ZNF654: variants seen among roughly 807,000 people sequenced by gnomAD.
The protein encoded by ZNF654 is zinc finger protein 654.
In ZNF654, 19 loss-of-function variants were observed where a neutral mutation model predicts 95.3. The observed-to-expected ratio is 0.20, with a 90% confidence interval of 0.14 to 0.29. The LOEUF is 0.29. Ranked by LOEUF, ZNF654 falls within the 10% of genes least tolerant of loss-of-function variation. ZNF654 has a pLI of 1.00. For missense variants in ZNF654, 1,046 were observed against 1,341.0 expected (o/e 0.78, Z 3.44); for synonymous variants, 413 against 457.9 (o/e 0.90, Z 1.25).
intron 1 of ZNF654, among the ~76,000 whole-genome samples, chr3:88,067,905 A>G (rs548094359): frequency 6.0e-5 from 9 of 151,210 alleles, no homozygotes; most frequent in Admixed American, 4.6e-4. Context: ...TTTTTAGTAA[A>G]TTGGTGTGAA....
chr3:88,132,492 TTTG>T (rs1226151985), intron 6 of ZNF654, among the ~76,000 whole-genome samples: 1 of 152,200 alleles, frequency 6.6e-6, no homozygotes, highest in African/African-American at 2.4e-5. Flanking sequence ...TCAGGATTTT[TTTG>T]TTGTTGGTTT....
At position 88,089,984 on chromosome 3, in the gene ZNF654, C is replaced by T. The variant is rs76330474; in HGVS notation, c.332+3582C>T. Among the ~76,000 whole-genome samples, 523 of 152,272 alleles carry T rather than the reference C, an allele frequency of 3.4e-3. 4 individuals carry two copies. Among genetic ancestry groups the T allele is most frequent in the African/African-American group, 0.012 (511 of 41,548 alleles). On this transcript the variant is annotated intron_variant, in intron 2 of 8. Transcript: ENST00000636215. ...AATGTAGTGCAACACATTATTCATGCTTGTGGTGATGCTGGTGTAAACAAA... is the reference window on the plus strand; with the variant it reads ...AATGTAGTGCAACACATTATTCATGTTTGTGGTGATGCTGGTGTAAACAAA...
At chr3:88,098,371 G>A (rs1171018444) in intron 2 of ZNF654, among the ~76,000 whole-genome samples, 1 of 152,206 alleles carries the variant, frequency 6.6e-6, no homozygotes. Context: ...TCCAGGACCA[G>A]ATGGATTCAC....
chr3:88,114,407 G>T (rs2107771995), intron 3 of ZNF654, among the ~76,000 whole-genome samples: 1 of 152,288 alleles, frequency 6.6e-6, no homozygotes, highest in Non-Finnish European at 1.5e-5. Flanking sequence ...CATAACATTT[G>T]TGAAGGGATA....
intron 2 of ZNF654, among the ~76,000 whole-genome samples, chr3:88,088,937 T>C (rs1244646141): frequency 6.6e-6 from 1 of 151,762 alleles, no homozygotes; most frequent in Non-Finnish European, 1.5e-5. Flanking sequence ...CATGCCTGGC[T>C]AATTTTTGTA....
chr3:88,095,478 T>C, intron 2 of ZNF654: 1 of 411,624 alleles, frequency 2.4e-6, no homozygotes, highest in Non-Finnish European at 4.7e-6. Flanking sequence ...CAGTCTCTCT[T>C]CATAAAATGC....
At chr3:88,083,626 G>A (rs1012026228) in intron 1 of ZNF654, among the ~76,000 whole-genome samples, 3 of 152,224 alleles carry the variant, frequency 2.0e-5, no homozygotes, top group African/African-American at 7.2e-5. Flanking sequence ...GGGTTTCCAC[G>A]ATCCATAAAA....
intron 1 of ZNF654, among the ~76,000 whole-genome samples, chr3:88,069,644 A>G (rs1046066117): frequency 3.3e-5 from 5 of 152,200 alleles, no homozygotes; most frequent in Non-Finnish European, 7.3e-5. Flanking sequence ...CTTTTCTGCT[A>G]CTTAGATGGA....
chr3:88,073,802 A>C (rs1386262144), intron 1 of ZNF654, among the ~76,000 whole-genome samples: 2 of 152,216 alleles, frequency 1.3e-5, no homozygotes, highest in Non-Finnish European at 2.9e-5. Context: ...TACAATGTAC[A>C]TTTTTATTAA....
intron 1 of ZNF654, among the ~76,000 whole-genome samples, chr3:88,081,141 G>C (rs544969136): frequency 6.6e-6 from 1 of 152,038 alleles, no homozygotes; most frequent in Non-Finnish European, 1.5e-5. Context: ...TTGTTTTCTC[G>C]TGATGGGAAT....
At chr3:88,100,194 CATTT>C (rs1469520157) in intron 2 of ZNF654, among the ~76,000 whole-genome samples, 1 of 152,186 alleles carries the variant, frequency 6.6e-6, no homozygotes, top group Non-Finnish European at 1.5e-5. Context: ...CAAAAGAAGA[CATTT>C]ATGCAGCCAA....
chr3:88,089,095 A>G (rs1331375132), intron 2 of ZNF654, among the ~76,000 whole-genome samples: 1 of 151,726 alleles, frequency 6.6e-6, no homozygotes, highest in Non-Finnish European at 1.5e-5. Context: ...TATTAAAAAA[A>G]TTATATTTAT....
intron 2 of ZNF654, among the ~76,000 whole-genome samples, chr3:88,108,498 A>T (rs575968589): frequency 1.3e-5 from 2 of 152,304 alleles, no homozygotes; most frequent in African/African-American, 4.8e-5. Context: ...ATGGTCCAAA[A>T]ATGTTAAATA....
At position 88,126,218 on chromosome 3, in the gene ZNF654, G is replaced by C. The variant is rs1426044958; in HGVS notation, c.499G>C (p.Asp167His). 3 of 1,530,540 alleles carry C rather than the reference G, an allele frequency of 2.0e-6. No homozygotes were observed. Among genetic ancestry groups the C allele is most frequent in the Non-Finnish European group, 1.7e-6 (2 of 1,143,248 alleles). The allele number at this position is 1,530,540 out of a possible 1,614,324, so 94.8% of individuals were successfully genotyped here. Residue 167 changes from aspartate to histidine, a missense_variant, in exon 4 of 9, where the codon GAT becomes CAT. Asp to His is a moderately conservative substitution (Grantham distance 81). Around this residue, in one of 9 missense-constraint regions of ZNF654, gnomAD observed 91 missense variants for 190.5 expected, o/e 0.48. Transcript: ENST00000636215. Reference protein sequence around the residue: ...RIIRDGGPWEDPVLQAVLKAQ... With the variant: ...RIIRDGGPWEHPVLQAVLKAQ... Reference sequence around the variant, plus strand: ...CATTAGAGATGGTGGCCCATGGGAAGATCCAGTGTTGCAAGCTGTCCTTAA... The same window carrying C: ...CATTAGAGATGGTGGCCCATGGGAACATCCAGTGTTGCAAGCTGTCCTTAA...
At chr3:88,123,974 A>G (rs1158388971) in intron 3 of ZNF654, among the ~76,000 whole-genome samples, 1 of 152,194 alleles carries the variant, frequency 6.6e-6, no homozygotes, top group Non-Finnish European at 1.5e-5. Context: ...GAATCATTAC[A>G]GTGTTCCATG....
At chr3:88,073,191 A>G (rs1459109218) in intron 1 of ZNF654, among the ~76,000 whole-genome samples, 1 of 152,212 alleles carries the variant, frequency 6.6e-6, no homozygotes, top group Non-Finnish European at 1.5e-5. Flanking sequence ...GGCTCCACCC[A>G]GACGTACAGA....
At chr3:88,118,815 C>CA (rs1173079254) in intron 3 of ZNF654, among the ~76,000 whole-genome samples, 1 of 152,094 alleles carries the variant, frequency 6.6e-6, no homozygotes, top group African/African-American at 2.4e-5. Flanking sequence ...GACTGTGTGA[C>CA]AAATCAAAAC....
intron 6 of ZNF654, 108 bp downstream of exon 6, chr3:88,129,934 A>C: frequency 2.1e-6 from 2 of 951,472 alleles, no homozygotes; most frequent in Non-Finnish European, 2.8e-6. Context: ...AGCTACTTTT[A>C]AAAAAAAATT....
rs59130197 is a variant in ZNF654, at chr3:88,082,082, C to T, written c.187-4175C>T. 9.2e-3 allele frequency among the ~76,000 whole-genome samples: 1,393 copies of T among 151,872 alleles called. 80 individuals carry two copies. In the East Asian group the frequency reaches 0.16, roughly 18 times the overall value. On this transcript the variant is annotated intron_variant, in intron 1 of 8. Transcript: ENST00000636215. ...GTGTATCACAGCCATTCTTTGACGCCCCTAAAATGGAGGGTAATTGTGACA... is the reference window on the plus strand; with the variant it reads ...GTGTATCACAGCCATTCTTTGACGCTCCTAAAATGGAGGGTAATTGTGACA...
Sources: gnomAD v4.1 joint callset for allele counts (sites outside exome capture counted in the v4.1 genomes callset) on GRCh38, gnomAD v4.1.1 for gene constraint, gnomAD v4.1.1 regional missense constraint, MANE v1.5 for transcripts, NCBI Gene and HGNC (gene_info 2026-07-23, HGNC 2026-07-21) for gene names.